The following CALD1 variants were observed in gnomAD, a reference collection of about 807,000 sequenced individuals.
CALD1 encodes caldesmon.
In CALD1, 33 loss-of-function variants were observed where a neutral mutation model predicts 99.9. The observed-to-expected ratio is 0.33, with a 90% CI of 0.25 to 0.44. The LOEUF (loss-of-function observed/expected upper bound fraction) is 0.44. Among genes scored for constraint, CALD1 ranks in the 20% least tolerant of loss-of-function variants. The pLI, the probability that CALD1 is intolerant of heterozygous loss-of-function variation, is 1.00. For missense variants in CALD1, 861 were observed against 962.1 expected, an observed-to-expected ratio of 0.89 and a Z score of 1.39; for synonymous variants, 310 against 325.0, an observed-to-expected ratio of 0.95 and a Z score of 0.50.
At chr7:134,852,765 G>A (rs142932880) in intron 2 of CALD1, among the ~76,000 whole-genome samples, 156 of 152,194 alleles carry the variant, frequency 1.0e-3, no homozygotes, top group African/African-American at 3.3e-3. Flanking sequence ...TTTAAGATTC[G>A]GCTGAGAGCT....
intron 1 of CALD1, among the ~76,000 whole-genome samples, chr7:134,751,255 T>A (rs116309657): frequency 6.6e-6 from 1 of 152,234 alleles, no homozygotes; most frequent in Non-Finnish European, 1.5e-5. Flanking sequence ...TGAAAAGAGA[T>A]ATACAGTCAC....
At chr7:134,721,329 CAA>C in the CALD1 span, among the ~76,000 whole-genome samples, 75 of 123,646 alleles carry the variant, frequency 6.1e-4, no homozygotes, top group East Asian at 1.3e-3. Flanking sequence ...AAGTCATCTG[CAA>C]AAAAAAAAAA....
the CALD1 span, among the ~76,000 whole-genome samples, chr7:134,722,409 ATTTATTTATTTG>A: frequency 3.3e-5 from 5 of 150,336 alleles, no homozygotes; most frequent in African/African-American, 1.2e-4. Flanking sequence ...TTATTTATTT[ATTTATTTATTTG>A]TTTGTTTGTT....
At chr7:134,768,512 T>C (rs894790787) in intron 1 of CALD1, among the ~76,000 whole-genome samples, 1 of 152,164 alleles carries the variant, frequency 6.6e-6, no homozygotes, top group Non-Finnish European at 1.5e-5. Flanking sequence ...TCAGGGCAGG[T>C]CCATTCTCCT....
intron 3 of CALD1, among the ~76,000 whole-genome samples, chr7:134,888,928 AC>A (rs1182962854): frequency 6.6e-6 from 1 of 152,228 alleles, no homozygotes; most frequent in African/African-American, 2.4e-5. Flanking sequence ...GTGGAAGACT[AC>A]TAAATTCTTG....
At chr7:134,778,583 A>T (rs1446414042), upstream of CALD1, among the ~76,000 whole-genome samples, 1 of 152,228 alleles carries the variant, frequency 6.6e-6, no homozygotes, top group East Asian at 1.9e-4. Flanking sequence ...TGAATTCTGT[A>T]TTGAAAAGGA....
intron 1 of CALD1, among the ~76,000 whole-genome samples, chr7:134,813,129 T>C (rs12671743): frequency 0.2 from 30,628 of 152,140 alleles, 3,224 homozygotes; most frequent in East Asian, 0.29. Context: ...TTTGGCAATG[T>C]AGAAATATTG....
intron 1 of CALD1, among the ~76,000 whole-genome samples, chr7:134,792,580 C>T (rs765037514): frequency 1.3e-5 from 2 of 152,152 alleles, no homozygotes; most frequent in African/African-American, 2.4e-5. Context: ...GAGTGAGCCA[C>T]TGAGCCTAGC....
At chr7:134,869,032 T>C (rs1800938701) in intron 3 of CALD1, among the ~76,000 whole-genome samples, 1 of 152,236 alleles carries the variant, frequency 6.6e-6, no homozygotes, top group South Asian at 2.1e-4. Flanking sequence ...ATTATTATTA[T>C]TAACCATTAT....
chr7:134,914,418 G>A (rs1423917525), intron 3 of CALD1, among the ~76,000 whole-genome samples: 1 of 152,136 alleles, frequency 6.6e-6, no homozygotes, highest in Non-Finnish European at 1.5e-5. Flanking sequence ...TTATTTCTTG[G>A]GGAAAGCTGC....
At chr7:134,887,700 A>G (rs913183145) in intron 3 of CALD1, among the ~76,000 whole-genome samples, 4 of 146,622 alleles carry the variant, frequency 2.7e-5, no homozygotes, top group East Asian at 2.0e-4. Context: ...GTGTATGTGC[A>G]TGTGTGCATA....
chr7:134,800,184 A>T (rs1797890131), intron 1 of CALD1, among the ~76,000 whole-genome samples: 1 of 152,188 alleles, frequency 6.6e-6, no homozygotes, highest in African/African-American at 2.4e-5. Context: ...ATTTAATACA[A>T]ATGTTTTGAT....
chr7:134,818,326 A>C (rs1798635822), intron 1 of CALD1, among the ~76,000 whole-genome samples: 2 of 152,228 alleles, frequency 1.3e-5, no homozygotes, highest in Admixed American at 1.3e-4. Context: ...CGAAGTTTCA[A>C]CTAGAGTTTC....
At chr7:134,947,029 T>G (rs930629599) in intron 7 of CALD1, among the ~76,000 whole-genome samples, 1 of 152,194 alleles carries the variant, frequency 6.6e-6, no homozygotes, top group Non-Finnish European at 1.5e-5. Flanking sequence ...ATGGTATGGC[T>G]AGACCACCTT....
chr7:134,902,571 G>A (rs1392407407), intron 3 of CALD1, among the ~76,000 whole-genome samples: 3 of 152,048 alleles, frequency 2.0e-5, no homozygotes, highest in African/African-American at 4.8e-5. Flanking sequence ...GGTTTCATGA[G>A]CCCACCTCGG....
chr7:134,775,282 G>A (rs147287059), upstream of CALD1, among the ~76,000 whole-genome samples: 557 of 152,192 alleles, frequency 3.7e-3, 2 homozygotes, highest in African/African-American at 0.013. Context: ...GTTTAGTCTT[G>A]TGTGAATAGC....
intron 3 of CALD1, among the ~76,000 whole-genome samples, chr7:134,906,874 A>T (rs1286375383): frequency 6.6e-6 from 1 of 152,088 alleles, no homozygotes; most frequent in Non-Finnish European, 1.5e-5. Flanking sequence ...TAGGCTTCAG[A>T]GCTCCTTATT....
At chr7:134,799,807 C>T (rs563537139) in intron 1 of CALD1, among the ~76,000 whole-genome samples, 8 of 152,210 alleles carry the variant, frequency 5.3e-5, no homozygotes, top group African/African-American at 1.9e-4. Flanking sequence ...AAGGTTGTTC[C>T]CCCTTGCACA....
chr7:134,890,607 G>C (rs1476258717), intron 3 of CALD1, among the ~76,000 whole-genome samples: 2 of 152,188 alleles, frequency 1.3e-5, no homozygotes, highest in Non-Finnish European at 2.9e-5. Flanking sequence ...TAGAGATGAA[G>C]AACCATATTC....
Sources: allele counts gnomAD v4.1 joint callset (sites outside exome capture counted in the v4.1 genomes callset), GRCh38; gene constraint gnomAD v4.1.1; transcripts MANE v1.5; gene names NCBI Gene and HGNC (gene_info 2026-07-23, HGNC 2026-07-21).